Variants in ZC3H18 observed in about 807,000 individuals in gnomAD.
ZC3H18 encodes the protein zinc finger CCCH-type containing 18.
A neutral mutation model predicts 106.1 loss-of-function variants in ZC3H18; 8 were observed. The observed-to-expected ratio is 0.08, with a 90% CI of 0.04 to 0.14. ZC3H18 has a LOEUF of 0.14. Among genes scored for constraint, ZC3H18 ranks in the 10% least tolerant of loss-of-function variants. ZC3H18 has a pLI of 1.00. For missense variants in ZC3H18, 1,318 were observed against 1,278.4 expected (o/e 1.03, Z -0.47); for synonymous variants, 635 against 522.1 (o/e 1.22, Z -2.95).
chr16:88,621,636 A>G (rs2142800441), intron 8 of ZC3H18, among the ~76,000 whole-genome samples: 1 of 152,118 alleles, frequency 6.6e-6, no homozygotes, highest in African/African-American at 2.4e-5. Flanking sequence ...GATTACAGGC[A>G]TGAGCCATCG....
At chr16:88,575,735 G>C (rs918969180) in intron 1 of ZC3H18, among the ~76,000 whole-genome samples, 2 of 151,910 alleles carry the variant, frequency 1.3e-5, no homozygotes, top group Non-Finnish European at 2.9e-5. Context: ...TTTTTTTGGA[G>C]ATTGGTCTCA....
intron 8 of ZC3H18, among the ~76,000 whole-genome samples, chr16:88,619,508 C>G (rs978480483): frequency 1.3e-5 from 2 of 152,150 alleles, no homozygotes; most frequent in African/African-American, 4.8e-5. Flanking sequence ...AGAGACCTCA[C>G]TGACCCCTGC....
At position 88,622,379 on chromosome 16, in the gene ZC3H18, A is replaced by G; in HGVS notation, c.1658A>G (p.Asn553Ser). 2 of 1,608,904 alleles carry G rather than the reference A, an allele frequency of 1.2e-6. No individual in the cohort carries two copies. The highest frequency in any genetic ancestry group is 1.7e-6 in the Non-Finnish European group (2 of 1,177,126). The change falls in exon 9 of 18, where the codon AAT becomes AGT. Residue 553 changes from asparagine to serine, a missense_variant. By Grantham distance (46) the Asn-to-Ser change is conservative (BLOSUM62 1). This residue lies in a region of ZC3H18 where 848 missense variants were observed against 821.7 expected (regional missense o/e 1.03). Coordinates refer to ENST00000301011, the MANE Select transcript of ZC3H18 (RefSeq NM_144604.4). ...TCAGCCTCGTCAGCCTCTGCCTCTAATTCCTCCAGGTAAGGAGGGCTCGTG... is the reference window on the plus strand; with the variant it reads ...TCAGCCTCGTCAGCCTCTGCCTCTAGTTCCTCCAGGTAAGGAGGGCTCGTG... ...KTSASSASASNSSRSSSRSSS... is the reference protein window; with the variant it reads ...KTSASSASASSSSRSSSRSSS...
At chr16:88,587,165 G>GCT (rs1915487820) in intron 3 of ZC3H18, among the ~76,000 whole-genome samples, 1 of 152,238 alleles carries the variant, frequency 6.6e-6, no homozygotes, top group African/African-American at 2.4e-5. Context: ...AGGCAGCAGG[G>GCT]CTCTCTCCTG....
intron 7 of ZC3H18, 106 bp from the exon 8 acceptor site, chr16:88,611,162 G>C: frequency 1.5e-6 from 1 of 688,316 alleles, no homozygotes; most frequent in Non-Finnish European, 2.7e-6. Context: ...GTACAGGTGT[G>C]ATTCTGTGAC....
intron 3 of ZC3H18, among the ~76,000 whole-genome samples, chr16:88,590,178 C>T (rs1482055736): frequency 6.6e-6 from 1 of 152,170 alleles, no homozygotes; most frequent in Non-Finnish European, 1.5e-5. Context: ...GTCTCAAATA[C>T]TAGGCTCAAG....
chr16:88,618,063 G>A (rs1905733361), intron 8 of ZC3H18, among the ~76,000 whole-genome samples: 1 of 152,278 alleles, frequency 6.6e-6, no homozygotes, highest in Admixed American at 6.5e-5. Flanking sequence ...AGAAGGCGCA[G>A]TTGCTGGTGT....
At chr16:88,572,727 A>G (rs1175425108) in intron 1 of ZC3H18, among the ~76,000 whole-genome samples, 1 of 151,744 alleles carries the variant, frequency 6.6e-6, no homozygotes, top group African/African-American at 2.4e-5. Flanking sequence ...TTCATTGTCT[A>G]CACTTAAGAG....
chr16:88,618,729 C>T (rs1196312905), intron 8 of ZC3H18, among the ~76,000 whole-genome samples: 2 of 152,198 alleles, frequency 1.3e-5, no homozygotes, highest in Non-Finnish European at 2.9e-5. Context: ...CAGATGATAG[C>T]GCGGGCCTTG....
chr16:88,622,420 C>T (rs1906023956), intron 9 of ZC3H18, 32 bp downstream of exon 9: 1 of 1,565,650 alleles, frequency 6.4e-7, no homozygotes, highest in Non-Finnish European at 8.7e-7. Context: ...GCTGGGGTGT[C>T]AGCACCTTGG....
intron 8 of ZC3H18, among the ~76,000 whole-genome samples, chr16:88,612,678 C>CT (rs1006171572): frequency 3.4e-5 from 5 of 145,980 alleles, no homozygotes; most frequent in African/African-American, 1.3e-4. Context: ...GACCCTGTAT[C>CT]TAAAAAAAAA....
intron 10 of ZC3H18, 33 bp downstream of exon 10, chr16:88,623,377 C>T (rs1184409979): frequency 2.5e-6 from 4 of 1,607,506 alleles, no homozygotes; most frequent in Middle Eastern, 3.3e-4. Flanking sequence ...GGGCCCTCAG[C>T]AGGTGCAGTG....
Position 88,616,439 on chromosome 16 carries a change from G to A in ZC3H18, c.1475+4903G>A, listed in dbSNP as rs545176332. On this transcript the variant is annotated intron_variant, in intron 8 of 17. Transcript: ENST00000301011. ...CAGCAGGGCTGACGTTCTCTGCGTC[G>A]CTTGCCTGGATTCATTCAGCCGGCT... Among the ~76,000 whole-genome samples the A allele has an allele frequency of 2.0e-4, 30 of 152,282 alleles. No individual in the cohort carries two copies. In the East Asian group the frequency reaches 4.3e-3, roughly 22 times the overall value.
intron 6 of ZC3H18, among the ~76,000 whole-genome samples, chr16:88,604,510 C>A (rs527251815): frequency 6.6e-6 from 1 of 152,132 alleles, no homozygotes; most frequent in African/African-American, 2.4e-5. Flanking sequence ...CATGGTGAAA[C>A]CCCATCTCTA....
At position 88,576,830 on chromosome 16, in the gene ZC3H18, C is replaced by T. The variant is rs113220895; in HGVS notation, c.-14-280C>T. ...TTAACTCGTGTGGGCTGCCCTTGAG[C>T]GGGGAAGGGCTAGGCCAGGCTGCGT... On this transcript the variant is annotated intron_variant, in intron 1 of 17. Coordinates refer to ENST00000301011, the MANE Select transcript of ZC3H18 (RefSeq NM_144604.4). Among the ~76,000 whole-genome samples the T allele has an allele frequency of 2.7e-4, 41 of 152,336 alleles. No homozygotes were observed. The South Asian group carries it at 7.7e-3, about 28-fold the overall frequency.
intron 1 of ZC3H18, 118 bp downstream of exon 1, chr16:88,570,684 C>T: frequency 6.6e-6 from 1 of 151,234 alleles, no homozygotes; most frequent in South Asian, 2.0e-4. Context: ...GCGCCTCCGG[C>T]CGTGCGGACC....
At chr16:88,625,318 G>GAAGTCCCAGA in intron 13 of ZC3H18, 51 bp downstream of exon 13, 2 of 1,551,410 alleles carry the variant, frequency 1.3e-6, no homozygotes, top group Non-Finnish European at 1.7e-6. Flanking sequence ...TCGGGGCCAG[G>GAAGTCCCAGA]AAGTCCCAGA....
At chr16:88,592,891 TTTA>T (rs1345941943) in intron 3 of ZC3H18, among the ~76,000 whole-genome samples, 1 of 66,550 alleles carries the variant, frequency 1.5e-5, no homozygotes, top group Non-Finnish European at 3.3e-5. Context: ...ATTATTTATT[TTTA>T]TTATTCGTAA....
At chr16:88,601,007 G>C (rs779589940) in intron 6 of ZC3H18, among the ~76,000 whole-genome samples, 1 of 152,212 alleles carries the variant, frequency 6.6e-6, no homozygotes, top group South Asian at 2.1e-4. Context: ...AAAGGAAGGC[G>C]TGCAGGGCTT....
Sources: allele counts gnomAD v4.1 joint callset (sites outside exome capture counted in the v4.1 genomes callset), GRCh38; gene constraint gnomAD v4.1.1; regional missense constraint gnomAD v4.1.1; transcripts MANE v1.5; gene names NCBI Gene and HGNC (gene_info 2026-07-23, HGNC 2026-07-21).